Variants in CDK15 observed in about 807,000 individuals in gnomAD.
CDK15 encodes the protein cyclin-dependent kinase 15.
CDK15 carries 62 observed loss-of-function variants against 60.3 expected under a neutral mutation model. That is an observed-to-expected ratio of 1.03 (90% CI 0.84 to 1.27). The LOEUF (loss-of-function observed/expected upper bound fraction) is 1.27, where lower values mean the gene tolerates loss of function less well. Ranked by LOEUF, CDK15 falls within the 50% of genes most tolerant of loss-of-function variation. CDK15 has a pLI of 0.00. For missense variants in CDK15, 541 were observed against 527.8 expected, an observed-to-expected ratio of 1.03 and a Z score of -0.25; for synonymous variants, 194 against 195.7, an observed-to-expected ratio of 0.99 and a Z score of 0.07.
At chr2:201,889,991 G>A (rs1334854017) in intron 12 of CDK15, among the ~76,000 whole-genome samples, 2 of 150,658 alleles carry the variant, frequency 1.3e-5, no homozygotes, top group Non-Finnish European at 2.9e-5. Context: ...GGAGGCTGCA[G>A]TGAGCCGAGA....
chr2:201,817,382 A>G (rs560724108), intron 4 of CDK15, among the ~76,000 whole-genome samples: 2 of 152,222 alleles, frequency 1.3e-5, no homozygotes, highest in South Asian at 4.2e-4. Flanking sequence ...ATGATTCGTG[A>G]TGTTGAGCAA....
Position 201,873,227 on chromosome 2 carries a change from A to T in CDK15, c.1058+901A>T, listed in dbSNP as rs76399992. Among the ~76,000 whole-genome samples, 943 of 152,360 alleles carry T rather than the reference A, an allele frequency of 6.2e-3. 17 individuals carry two copies. Among genetic ancestry groups the T allele is most frequent in the Admixed American group, 0.032 (491 of 15,302 alleles). The stretch of plus-strand genomic sequence containing the variant: ...CAGGGTACAAAGAGTAAAATAGGTT[A>T]GGAACATAGAACTATGGACTACCAG... On this transcript the variant is annotated intron_variant, in intron 11 of 13. Coordinates refer to ENST00000652192, the MANE Select transcript of CDK15 (RefSeq NM_001366386.2).
intron 10 of CDK15, among the ~76,000 whole-genome samples, chr2:201,865,892 C>CCAAA (rs753825925): frequency 5.0e-5 from 2 of 40,092 alleles, no homozygotes; most frequent in African/African-American, 1.5e-4. Flanking sequence ...TCCATCTCAA[C>CCAAA]AAAAAAAAAA....
intron 6 of CDK15, chr2:201,824,548 C>A: frequency 3.9e-6 from 1 of 257,334 alleles, no homozygotes; most frequent in Non-Finnish European, 7.9e-6. Flanking sequence ...AAGATGGCAG[C>A]CACCATGGGC....
intron 10 of CDK15, chr2:201,861,255 A>G: frequency 9.9e-7 from 1 of 1,006,472 alleles, no homozygotes; most frequent in Non-Finnish European, 1.2e-6. Context: ...CACAGAACAT[A>G]CACAATTGCT....
chr2:201,853,944 G>A (rs975959562), intron 9 of CDK15, among the ~76,000 whole-genome samples: 3 of 152,010 alleles, frequency 2.0e-5, no homozygotes, highest in Non-Finnish European at 1.5e-5. Context: ...GGCAGATCAC[G>A]AGGTCAGGAG....
chr2:201,891,064 G>A, intron 13 of CDK15, 137 bp downstream of exon 13: 1 of 498,238 alleles, frequency 2.0e-6, no homozygotes, highest in Non-Finnish European at 3.6e-6. Flanking sequence ...TAGGACAGGT[G>A]GCCTTGCCTC....
intron 6 of CDK15, among the ~76,000 whole-genome samples, chr2:201,830,127 G>A (rs1696684940): frequency 6.6e-6 from 1 of 151,986 alleles, no homozygotes; most frequent in Non-Finnish European, 1.5e-5. Context: ...TTTTTATAGA[G>A]ATGGGGTCTT....
At chr2:201,878,828 G>A (rs1699174465) in intron 11 of CDK15, among the ~76,000 whole-genome samples, 1 of 152,148 alleles carries the variant, frequency 6.6e-6, no homozygotes, top group Non-Finnish European at 1.5e-5. Context: ...GAGCAAAAGG[G>A]CTCTCTCAAG....
intron 8 of CDK15, among the ~76,000 whole-genome samples, chr2:201,838,838 A>G (rs1697241338): frequency 6.6e-6 from 1 of 152,152 alleles, no homozygotes; most frequent in Non-Finnish European, 1.5e-5. Flanking sequence ...CCTTCTACCA[A>G]AATTTTTTTT....
chr2:201,834,685 A>C (rs2105741651), intron 7 of CDK15, among the ~76,000 whole-genome samples: 1 of 152,276 alleles, frequency 6.6e-6, no homozygotes, highest in South Asian at 2.1e-4. Context: ...TTTTATCCTT[A>C]GTGCCTGGTA....
intron 9 of CDK15, among the ~76,000 whole-genome samples, chr2:201,850,793 A>G (rs931940864): frequency 2.6e-5 from 4 of 152,302 alleles, no homozygotes; most frequent in African/African-American, 9.6e-5. Flanking sequence ...CATTCTTGCC[A>G]ACACCTCTTT....
chr2:201,861,032 A>G, intron 10 of CDK15: 1 of 1,158,342 alleles, frequency 8.6e-7, no homozygotes, highest in Non-Finnish European at 1.1e-6. Flanking sequence ...TGTATGAGCT[A>G]TTAGCCAAGG....
chr2:201,879,552 A>C (rs900538741), intron 11 of CDK15, among the ~76,000 whole-genome samples: 2 of 151,872 alleles, frequency 1.3e-5, no homozygotes, highest in African/African-American at 4.8e-5. Context: ...GCTAATTTTT[A>C]TGTTTTTAGT....
In CDK15 at chr2:201,854,617, G is replaced by T. The variant is rs1698062405; in HGVS notation, c.946-257G>T. The T allele has an allele frequency of 1.5e-5, 7 of 481,072 alleles. No individual in the cohort carries two copies. The East Asian group carries it at 2.3e-4, about 16-fold the overall frequency. The allele number at this position is 481,072 out of a possible 1,614,324, so 29.8% of individuals were successfully genotyped here. ...AACATGACTTTGAGCAAGGCTGTAT[G>T]ATCTGCCTCAGAACAAGTGAGTCAG... is the stretch of plus-strand genomic sequence containing the variant. On this transcript the variant is annotated intron_variant, in intron 9 of 13. Coordinates refer to ENST00000652192, the MANE Select transcript of CDK15 (RefSeq NM_001366386.2).
chr2:201,880,725 G>T (rs1699244844), intron 12 of CDK15, among the ~76,000 whole-genome samples: 1 of 152,218 alleles, frequency 6.6e-6, no homozygotes, highest in South Asian at 2.1e-4. Context: ...AGCCTTTGCT[G>T]CCTGGGCCTG....
chr2:201,833,867 T>C lies in CDK15; in HGVS notation c.626T>C (p.Leu209Ser). ...TTCCAGCTTTTCATGTTTCAACTTT[T>C]GCGGGGCCTGGCGTACATCCACCAC... ...HNVRLFMFQLLRGLAYIHHQH... is the reference protein window; with the variant it reads ...HNVRLFMFQLSRGLAYIHHQH... Residue 209 changes from leucine to serine, a missense_variant, in exon 7 of 14, where the codon TTG (leucine) becomes TCG (serine). Leu to Ser is a moderately radical substitution (Grantham distance 145). Coordinates refer to ENST00000652192, the MANE Select transcript of CDK15 (RefSeq NM_001366386.2). The C allele has an allele frequency of 6.2e-7, 1 of 1,613,970 alleles. No homozygotes were observed. The highest frequency in any genetic ancestry group is 2.2e-5 in the East Asian group (1 of 44,878).
intron 8 of CDK15, among the ~76,000 whole-genome samples, chr2:201,836,102 T>G (rs12468114): frequency 8.1e-6 from 1 of 123,158 alleles, no homozygotes; most frequent in African/African-American, 3.2e-5. Context: ...TTATATATAT[T>G]TATATATTTA....
chr2:201,854,980 T>A (rs756977520), intron 10 of CDK15, 43 bp downstream of exon 10: 1 of 1,586,128 alleles, frequency 6.3e-7, no homozygotes. Flanking sequence ...GAATTAGTAA[T>A]GTAAGGAGAG....
Sources: gnomAD v4.1 joint callset for allele counts (sites outside exome capture counted in the v4.1 genomes callset) on GRCh38, gnomAD v4.1.1 for gene constraint, MANE v1.5 for transcripts, NCBI Gene and HGNC (gene_info 2026-07-23, HGNC 2026-07-21) for gene names.